The following TYK2 variants were observed in gnomAD, a reference collection of about 807,000 sequenced individuals.
TYK2 encodes tyrosine kinase 2.
TYK2 carries 65 observed loss-of-function variants against 130.9 expected under a neutral mutation model. The ratio of observed to expected loss-of-function variants is 0.50; its 90% CI spans 0.41 to 0.61. TYK2 has a LOEUF of 0.61. Ranked by LOEUF, TYK2 falls within the 20% of genes least tolerant of loss-of-function variation. The pLI is 0.00. For missense variants in TYK2, 1,378 were observed against 1,610.7 expected, an observed-to-expected ratio of 0.86 and a Z score of 2.47; for synonymous variants, 647 against 658.9, an observed-to-expected ratio of 0.98 and a Z score of 0.28.
intron 17 of TYK2, chr19:10,357,036 A>G: frequency 2.2e-6 from 1 of 455,236 alleles, no homozygotes; most frequent in South Asian, 2.2e-5. Flanking sequence ...CAGGCCATGC[A>G]CTCTGCCTAG....
chr19:10,367,154 G>C (rs1249327011), intron 5 of TYK2, among the ~76,000 whole-genome samples: 1 of 152,156 alleles, frequency 6.6e-6, no homozygotes. Flanking sequence ...CCGCAGGCCA[G>C]GGGTTGGACA....
At position 10,358,018 on chromosome 19, in the gene TYK2, C is replaced by T. The variant is rs752837292; in HGVS notation, c.2296G>A (p.Ala766Thr). 7.4e-6 allele frequency: 12 copies of T among 1,613,366 alleles called. No individual in the cohort carries two copies. The highest frequency in any genetic ancestry group is 6.7e-5 in the African/African-American group (5 of 74,940). ...AGGTACTCACCCTCCCTGGAGAGGG[C>T]GCCCAGGCCCACGCCAGGATCACTC... ...KLSDPGVGLGALSREERVERI... is the reference protein window; with the variant it reads ...KLSDPGVGLGTLSREERVERI... The change falls in exon 16 of 25, where the codon GCC (alanine) becomes ACC (threonine). Residue 766 changes from alanine (A) to threonine (T), a missense_variant. By Grantham distance (58) the Ala-to-Thr change is moderately conservative. Coordinates refer to ENST00000525621, the MANE Select transcript of TYK2 (RefSeq NM_003331.5).
intron 3 of TYK2, among the ~76,000 whole-genome samples, chr19:10,372,458 CTA>C (rs569826524): frequency 0.012 from 530 of 45,944 alleles, 7 homozygotes; most frequent in Middle Eastern, 0.042. Context: ...CCACACACAG[CTA>C]TATATATATA....
At position 10,364,348 on chromosome 19, in the gene TYK2, A is replaced by G. The variant is rs534484735; in HGVS notation, c.1367+266T>C. The stretch of plus-strand genomic sequence containing the variant: ...CAATCTGATGAAACCCCATCTCTAC[A>G]AAAATACAAAAATTAGCCTGGCATG... On this transcript the variant is annotated intron_variant, in intron 9 of 24. Transcript: ENST00000525621. This position sits in a 1 kb window ranked among gnomAD's most constrained non-coding sequence, Gnocchi z 4.9. 1.5e-4 allele frequency among the ~76,000 whole-genome samples: 23 copies of G among 152,152 alleles called. No individual in the cohort carries two copies. Among genetic ancestry groups the G allele is most frequent in the South Asian group, 8.3e-4 (4 of 4,816 alleles).
chr19:10,362,378 A>G lies in TYK2; in HGVS notation c.1555T>C (p.Trp519Arg), dbSNP rs1468000439. The change falls in exon 11 of 25, where the codon TGG (tryptophan) becomes CGG (arginine). Residue 519 changes from tryptophan (W) to arginine (R), a missense_variant. Coordinates refer to ENST00000525621, the MANE Select transcript of TYK2 (RefSeq NM_003331.5). ...CGAACGCTGGGGAAGGACCGGCCCCAGCCCTCCAGCACGAAGGCCCCGTCC... is the reference window on the plus strand; with the variant it reads ...CGAACGCTGGGGAAGGACCGGCCCCGGCCCTCCAGCACGAAGGCCCCGTCC... ...QQDGAFVLEGWGRSFPSVREL... is the reference protein window; with the variant it reads ...QQDGAFVLEGRGRSFPSVREL... 1 of 1,614,022 alleles carries G rather than the reference A, an allele frequency of 6.2e-7. No individual in the cohort carries two copies. The highest frequency in any genetic ancestry group is 2.2e-5 in the East Asian group (1 of 44,882).
intron 3 of TYK2, among the ~76,000 whole-genome samples, chr19:10,371,131 G>A (rs565113599): frequency 1.3e-5 from 2 of 151,628 alleles, no homozygotes; most frequent in Non-Finnish European, 2.9e-5. Flanking sequence ...ATGCCCAGCT[G>A]ATTTTTGTAG....
chr19:10,365,836 C>G lies in TYK2; in HGVS notation c.692G>C (p.Arg231Pro), dbSNP rs761141309. 4 of 1,612,266 alleles carry G rather than the reference C, an allele frequency of 2.5e-6. No homozygotes were observed. The highest frequency in any genetic ancestry group is 3.4e-6 in the Non-Finnish European group (4 of 1,179,804). Residue 231 changes from arginine (R) to proline (P), a missense_variant, in exon 7 of 25, where the codon CGG becomes CCG. Physicochemically the swap from Arg to Pro is moderately radical, Grantham distance 103 (BLOSUM62 -2). Transcript: ENST00000525621. ...GCGGAAGACGTTCCGAAGGCGCAGCCGGGTCAGGGCGCTGTGCTGCCGGAT... is the reference window on the plus strand; with the variant it reads ...GCGGAAGACGTTCCGAAGGCGCAGCGGGGTCAGGGCGCTGTGCTGCCGGAT... ...RHIRQHSALTRLRLRNVFRRF... is the reference protein window; with the variant it reads ...RHIRQHSALTPLRLRNVFRRF...
chr19:10,364,546 C>A lies in TYK2; in HGVS notation c.1367+68G>T. Reference sequence around the variant, plus strand: ...GCACCTACACACACACCCTGCACAGCCCCTAGGGCTCACAGTCTAGTTGGC... The same window carrying A: ...GCACCTACACACACACCCTGCACAGACCCTAGGGCTCACAGTCTAGTTGGC... On this transcript the variant is annotated intron_variant, in intron 9 of 24. Coordinates refer to ENST00000525621, the MANE Select transcript of TYK2 (RefSeq NM_003331.5). This position sits in a 1 kb window ranked among gnomAD's most constrained non-coding sequence, Gnocchi z 4.9. 4 of 1,573,346 alleles carry A rather than the reference C, an allele frequency of 2.5e-6. No homozygotes were observed. The South Asian group carries it at 3.3e-5, about 13-fold the overall frequency.
intron 18 of TYK2, among the ~76,000 whole-genome samples, chr19:10,355,029 T>G (rs2041018643): frequency 6.9e-6 from 1 of 145,934 alleles, no homozygotes; most frequent in South Asian, 2.2e-4. Flanking sequence ...GACACTGTCT[T>G]TAAAAAAAAA....
intron 6 of TYK2, 115 bp from the exon 7 acceptor site, chr19:10,366,013 G>T: frequency 8.7e-7 from 1 of 1,150,942 alleles, no homozygotes; most frequent in Non-Finnish European, 1.2e-6. Context: ...CTGGAAAACA[G>T]GCACACTAGC....
chr19:10,372,472 A>G lies in TYK2; in HGVS notation c.194-4054T>C, dbSNP rs1361401373. On this transcript the variant is annotated intron_variant, in intron 3 of 24. Coordinates refer to ENST00000525621, the MANE Select transcript of TYK2 (RefSeq NM_003331.5). ...ACCACACACAGCTATATATATATAT[A>G]TATATATATATATTTTTTTTTTTTT... Among the ~76,000 whole-genome samples, 8 of 59,208 alleles carry G rather than the reference A, an allele frequency of 1.4e-4. 1 individual carries two copies. In the South Asian group the frequency reaches 2.7e-3, roughly 20 times the overall value. The allele number at this position is 59,208 out of a possible 152,430, so 38.8% of individuals were successfully genotyped here.
intron 3 of TYK2, among the ~76,000 whole-genome samples, chr19:10,377,519 G>T: frequency 7.6e-6 from 1 of 132,300 alleles, no homozygotes; most frequent in Admixed American, 7.7e-5. Flanking sequence ...TGGGTGAGTG[G>T]GTGGGTGGAT....
intron 7 of TYK2, 88 bp from the exon 8 acceptor site, chr19:10,365,136 A>C: frequency 1.4e-6 from 2 of 1,421,972 alleles, no homozygotes; most frequent in Non-Finnish European, 1.9e-6. Flanking sequence ...GACTGGAGCC[A>C]GAAGGGCCAG....
At chr19:10,365,483 T>C in intron 7 of TYK2, 34 bp downstream of exon 7, 1 of 1,612,108 alleles carries the variant, frequency 6.2e-7, no homozygotes, top group Non-Finnish European at 8.5e-7. Context: ...CAGCCCAACC[T>C]GAACCCCCAG....
chr19:10,376,651 G>A (rs1477777731), intron 3 of TYK2, among the ~76,000 whole-genome samples: 2 of 145,142 alleles, frequency 1.4e-5, no homozygotes, highest in African/African-American at 5.2e-5. Context: ...CACCCAGCCT[G>A]GAGTGCAGTG....
chr19:10,377,324 G>GTGGATGGATGGATGGATGGA (rs59020787), intron 3 of TYK2, among the ~76,000 whole-genome samples: 8 of 135,588 alleles, frequency 5.9e-5, no homozygotes, highest in South Asian at 2.5e-4. Context: ...GAATGAACGG[G>GTGGATGGATGGATGGATGGA]TGGATGGATG....
At chr19:10,371,236 G>A (rs551200312) in intron 3 of TYK2, among the ~76,000 whole-genome samples, 1 of 151,848 alleles carries the variant, frequency 6.6e-6, no homozygotes, top group East Asian at 2.0e-4. Flanking sequence ...GAGTAGCTGG[G>A]AGGCTGAGCT....
intron 23 of TYK2, 111 bp downstream of exon 23, chr19:10,352,323 C>A: frequency 1.3e-6 from 1 of 779,048 alleles, no homozygotes; most frequent in South Asian, 1.4e-5. Context: ...CCGCCCGCCT[C>A]GGCCTCCCAA....
At chr19:10,352,638 AGGACCCTCTGGGCTCAGTTG>A (rs2040868837) in intron 22 of TYK2, 87 bp from the exon 23 acceptor site, 1 of 778,516 alleles carries the variant, frequency 1.3e-6, no homozygotes, top group Non-Finnish European at 2.1e-6. Flanking sequence ...CTGAGACTGA[AGGACCCTCTGGGCTCAGTTG>A]GGACCCACCC....
Sources: allele counts gnomAD v4.1 joint callset (sites outside exome capture counted in the v4.1 genomes callset), GRCh38; gene constraint gnomAD v4.1.1; non-coding constraint Gnocchi (gnomAD v3.1); transcripts MANE v1.5; gene names NCBI Gene and HGNC (gene_info 2026-07-23, HGNC 2026-07-21).